SCAMP2: variants seen among roughly 807,000 people sequenced by gnomAD.
SCAMP2 encodes secretory carrier membrane protein 2.
Under a neutral mutation model 44.1 loss-of-function variants are expected in SCAMP2, and 25 were observed. The ratio of observed to expected loss-of-function variants is 0.57; its 90% CI spans 0.41 to 0.79. The LOEUF (loss-of-function observed/expected upper bound fraction) is 0.79. Among genes scored for constraint, SCAMP2 ranks in the 30% least tolerant of loss-of-function variants. The pLI is 0.00. For missense variants in SCAMP2, 355 were observed against 411.0 expected, an observed-to-expected ratio of 0.86 and a Z score of 1.18; for synonymous variants, 156 against 166.0, an observed-to-expected ratio of 0.94 and a Z score of 0.46.
intron 1 of SCAMP2, among the ~76,000 whole-genome samples, chr15:74,856,610 T>A (rs534665776): frequency 6.6e-6 from 1 of 151,458 alleles, no homozygotes; most frequent in Non-Finnish European, 1.5e-5. Flanking sequence ...TTTTCTTTTT[T>A]AGAGACAGGG....
At chr15:74,861,900 CAAA>C (rs71140103) in intron 1 of SCAMP2, among the ~76,000 whole-genome samples, 3 of 44,290 alleles carry the variant, frequency 6.8e-5, no homozygotes, top group Non-Finnish European at 9.7e-5. Context: ...GACTCTGTCT[CAAA>C]AAAAAAAAAA....
At chr15:74,871,316 GC>G (rs2064573378) in intron 1 of SCAMP2, among the ~76,000 whole-genome samples, 1 of 152,092 alleles carries the variant, frequency 6.6e-6, no homozygotes, top group Non-Finnish European at 1.5e-5. Flanking sequence ...AAGGAGTCAG[GC>G]CCAGTGGCAC....
At chr15:74,846,751 A>G (rs56104325) in intron 7 of SCAMP2, among the ~76,000 whole-genome samples, 3,376 of 151,854 alleles carry the variant, frequency 0.022, 133 homozygotes, top group African/African-American at 0.078. Flanking sequence ...GGCAACAGAG[A>G]CTCCATCTCA....
intron 1 of SCAMP2, among the ~76,000 whole-genome samples, chr15:74,862,850 CCATACACA>C (rs1567254272): frequency 2.9e-5 from 1 of 34,234 alleles, no homozygotes; most frequent in African/African-American, 9.0e-5. Flanking sequence ...AAAAAACAAA[CCATACACA>C]CACACACACA....
At chr15:74,849,821 G>A (rs901076504) in intron 6 of SCAMP2, among the ~76,000 whole-genome samples, 4 of 140,882 alleles carry the variant, frequency 2.8e-5, no homozygotes, top group Non-Finnish European at 6.3e-5. Context: ...ACATCTGACT[G>A]GAAGAAAAAA....
intron 1 of SCAMP2, 28 bp from the exon 2 acceptor site, chr15:74,854,677 C>T (rs1252442799): frequency 6.3e-7 from 1 of 1,588,906 alleles, no homozygotes; most frequent in Admixed American, 1.8e-5. Context: ...AGCCCTTAGA[C>T]ACAGTGGAGA....
chr15:74,848,378 G>A, intron 7 of SCAMP2: 1 of 421,822 alleles, frequency 2.4e-6, no homozygotes, highest in Non-Finnish European at 4.2e-6. Context: ...AATAGTGAGT[G>A]TCTTTTGATG....
At chr15:74,861,763 T>C (rs1357912463) in intron 1 of SCAMP2, among the ~76,000 whole-genome samples, 3 of 151,202 alleles carry the variant, frequency 2.0e-5, no homozygotes, top group Non-Finnish European at 2.9e-5. Flanking sequence ...TAGCCGGGCG[T>C]GGTGGCGGGC....
intron 2 of SCAMP2, 60 bp downstream of exon 2, chr15:74,854,521 G>A (rs948800262): frequency 1.0e-4 from 145 of 1,404,422 alleles, no homozygotes; most frequent in African/African-American, 1.1e-4. Context: ...TCCCTGCCCC[G>A]GACACCCCAG....
chr15:74,853,230 C>A (rs550321307), intron 3 of SCAMP2: 1 of 352,520 alleles, frequency 2.8e-6, no homozygotes, highest in African/African-American at 2.1e-5. Context: ...CTCCCTACAG[C>A]CCACCACCCA....
rs2064428895 is a variant in SCAMP2 at position 74,850,584 on chromosome 15, T to C, written c.562A>G (p.Ile188Val). 4 of 1,614,056 alleles carry C rather than the reference T, an allele frequency of 2.5e-6. No homozygotes were observed. In the South Asian group the frequency reaches 3.3e-5, roughly 13 times the overall value. The change falls in exon 6 of 9, where the codon ATC (isoleucine) becomes GTC (valine). Residue 188 changes from isoleucine to valine, a missense_variant. Transcript: ENST00000268099. ...SSKGVDFGLS[I>V]LWFLIFTPCA... is the part of the protein sequence containing the mutation. ...GGAGTGAAGATCAGAAACCACAGGA[T>C]GGAGAGGCCAAAGTCCACTCCCTTG...
chr15:74,856,264 C>CTT (rs34812536), intron 1 of SCAMP2, among the ~76,000 whole-genome samples: 1,368 of 60,422 alleles, frequency 0.023, 197 homozygotes, highest in African/African-American at 0.074. Context: ...AGAGCCAGTT[C>CTT]TTTTTTTTTT....
At position 74,866,035 on chromosome 15, in the gene SCAMP2, G is replaced by C. The variant is rs572570034; in HGVS notation, c.57+7164C>G. On this transcript the variant is annotated intron_variant, in intron 1 of 8. Transcript: ENST00000268099. ...GGAAGGAAAGGAGGGAGGGAGGGGA[G>C]GGGAGGGGAGGAAAAGAAAAGAAAA... is the stretch of plus-strand genomic sequence containing the variant. Among the ~76,000 whole-genome samples the C allele has an allele frequency of 1.6e-3, 212 of 136,528 alleles. 1 individual carries two copies. The highest frequency in any genetic ancestry group is 2.7e-3 in the Non-Finnish European group (175 of 64,784). 89.6% of individuals were successfully genotyped at this position (136,528 alleles called of 152,430 possible). A position where few individuals can be genotyped will look rare whatever the true frequency, so the allele number is the denominator to read the frequency against.
intron 1 of SCAMP2, among the ~76,000 whole-genome samples, chr15:74,861,175 G>A (rs555973503): frequency 4.6e-5 from 7 of 152,162 alleles, no homozygotes; most frequent in African/African-American, 1.7e-4. Context: ...ACTCAACTCA[G>A]GGAAAAATAA....
At chr15:74,867,902 G>A (rs1267719172) in intron 1 of SCAMP2, among the ~76,000 whole-genome samples, 1 of 152,220 alleles carries the variant, frequency 6.6e-6, no homozygotes, top group Non-Finnish European at 1.5e-5. Flanking sequence ...GGATAATCTG[G>A]CAGAAGTGCT....
chr15:74,851,141 CT>C (rs1174224874), intron 5 of SCAMP2, among the ~76,000 whole-genome samples: 1 of 152,160 alleles, frequency 6.6e-6, no homozygotes, highest in African/African-American at 2.4e-5. Context: ...CCCACCCTCC[CT>C]GATCGGTGGT....
intron 6 of SCAMP2, among the ~76,000 whole-genome samples, chr15:74,849,945 G>A (rs796152926): frequency 2.6e-5 from 4 of 152,302 alleles, no homozygotes; most frequent in African/African-American, 4.8e-5. Context: ...AGTGGTACAG[G>A]GATGGTTCAG....
chr15:74,853,247 C>A, intron 3 of SCAMP2: 1 of 360,738 alleles, frequency 2.8e-6, no homozygotes, highest in Non-Finnish European at 5.6e-6. Flanking sequence ...CCCAGCTGCA[C>A]AGAAAGGCAA....
Position 74,850,765 on chromosome 15 carries a change from A to G in SCAMP2, c.473-92T>C, listed in dbSNP as rs149732024. The G allele has an allele frequency of 5.8e-6, 8 of 1,376,906 alleles. No homozygotes were observed. In the African/African-American group the frequency reaches 1.2e-4, roughly 20 times the overall value. 85.3% of individuals were successfully genotyped at this position (1,376,906 alleles called of 1,614,324 possible). On this transcript the variant is annotated intron_variant, in intron 5 of 8. Transcript: ENST00000268099. Reference sequence around the variant, plus strand: ...CCACTCCCTAGGAGAGGTGAGGTTCATGCTGCGAAGGCAGCTGCTGAAACA... The same window carrying G: ...CCACTCCCTAGGAGAGGTGAGGTTCGTGCTGCGAAGGCAGCTGCTGAAACA...
Sources: allele counts gnomAD v4.1 joint callset (sites outside exome capture counted in the v4.1 genomes callset), GRCh38; gene constraint gnomAD v4.1.1; transcripts MANE v1.5; gene names NCBI Gene and HGNC (gene_info 2026-07-23, HGNC 2026-07-21).